Variants in ESRRG observed in about 807,000 individuals in gnomAD.
ESRRG encodes estrogen-related receptor gamma.
In ESRRG, 13 loss-of-function variants were observed where a neutral mutation model predicts 44.0. That is an observed-to-expected ratio of 0.30 (90% CI 0.19 to 0.47). The LOEUF (loss-of-function observed/expected upper bound fraction) is 0.47. Among genes scored for constraint, ESRRG ranks in the 20% least tolerant of loss-of-function variants. ESRRG has a pLI of 1.00. For missense variants in ESRRG, 395 were observed against 580.6 expected (o/e 0.68, Z 3.29); for synonymous variants, 215 against 214.6 (o/e 1.00, Z -0.02).
chr1:217,132,174 T>C (rs2102539784), intron 1 of ESRRG, among the ~76,000 whole-genome samples: 1 of 152,308 alleles, frequency 6.6e-6, no homozygotes, highest in Non-Finnish European at 1.5e-5. Flanking sequence ...TTTTTAATTT[T>C]GTAGAGAGGG....
chr1:216,942,538 T>C (rs866002574), intron 1 of ESRRG, among the ~76,000 whole-genome samples: 1 of 152,150 alleles, frequency 6.6e-6, no homozygotes, highest in African/African-American at 2.4e-5. Context: ...CAAATAGTTA[T>C]AAATGTTTCC....
At chr1:216,954,151 G>A (rs558515396) in intron 1 of ESRRG, among the ~76,000 whole-genome samples, 10 of 151,848 alleles carry the variant, frequency 6.6e-5, no homozygotes, top group Non-Finnish European at 1.3e-4. Context: ...ATCTCTGAAC[G>A]TATTTTTTAG....
At chr1:217,076,496 T>C (rs1174551963) in intron 1 of ESRRG, among the ~76,000 whole-genome samples, 2 of 152,192 alleles carry the variant, frequency 1.3e-5, no homozygotes, top group African/African-American at 4.8e-5. Flanking sequence ...ACCAGAGAAA[T>C]GCAAATATTA....
intron 1 of ESRRG, among the ~76,000 whole-genome samples, chr1:217,107,846 A>G (rs2092616730): frequency 6.6e-6 from 1 of 152,164 alleles, no homozygotes; most frequent in Non-Finnish European, 1.5e-5. Flanking sequence ...AAAAAATATA[A>G]TTTTATGCCA....
chr1:216,631,316 G>A (rs1023467537), intron 3 of ESRRG, among the ~76,000 whole-genome samples: 1 of 152,184 alleles, frequency 6.6e-6, no homozygotes, highest in Non-Finnish European at 1.5e-5. Flanking sequence ...CTGTAACCAT[G>A]TTAGTAGCAA....
At chr1:217,044,107 C>G (rs937122028) in intron 1 of ESRRG, among the ~76,000 whole-genome samples, 1 of 152,300 alleles carries the variant, frequency 6.6e-6, no homozygotes, top group Admixed American at 6.5e-5. Flanking sequence ...AATTGGCTTT[C>G]AAGTTTACTG....
chr1:216,952,169 C>A (rs2067080182), intron 1 of ESRRG, among the ~76,000 whole-genome samples: 1 of 152,240 alleles, frequency 6.6e-6, no homozygotes, highest in African/African-American at 2.4e-5. Flanking sequence ...AACCCGAAAA[C>A]TTTCAAATGC....
intron 1 of ESRRG, among the ~76,000 whole-genome samples, chr1:217,042,577 C>T (rs2084080277): frequency 6.6e-6 from 1 of 151,618 alleles, no homozygotes; most frequent in South Asian, 2.1e-4. Context: ...GCTACCTGTC[C>T]CTAGCTCCCC....
At chr1:217,080,935 C>A (rs1185608775) in intron 1 of ESRRG, among the ~76,000 whole-genome samples, 1 of 151,844 alleles carries the variant, frequency 6.6e-6, no homozygotes, top group Non-Finnish European at 1.5e-5. Flanking sequence ...CCTCGGCCTG[C>A]CAAAGTGTTG....
At chr1:216,750,138 TAG>T (rs1169145792) in intron 2 of ESRRG, among the ~76,000 whole-genome samples, 1 of 152,194 alleles carries the variant, frequency 6.6e-6, no homozygotes. Flanking sequence ...TTGCAGTTTG[TAG>T]AGAAGTCTGT....
intron 2 of ESRRG, among the ~76,000 whole-genome samples, chr1:216,772,771 G>A (rs969381804): frequency 8.6e-5 from 13 of 151,796 alleles, no homozygotes; most frequent in Non-Finnish European, 1.6e-4. Context: ...ATAGCTTAGT[G>A]GATCTGACCC....
chr1:216,735,987 A>AAAATATATATAT (rs1453476198), intron 2 of ESRRG, among the ~76,000 whole-genome samples: 28 of 137,088 alleles, frequency 2.0e-4, no homozygotes, highest in African/African-American at 6.7e-4. Context: ...CTCAAAAAAA[A>AAAATATATATAT]ATATATATAT....
intron 2 of ESRRG, among the ~76,000 whole-genome samples, chr1:216,852,832 G>A (rs1478121965): frequency 6.7e-6 from 1 of 149,508 alleles, no homozygotes; most frequent in Non-Finnish European, 1.5e-5. Context: ...TTCCCACCAG[G>A]GCTCTTTCCA....
intron 1 of ESRRG, among the ~76,000 whole-genome samples, chr1:217,071,909 A>G (rs986386338): frequency 6.6e-6 from 1 of 152,178 alleles, no homozygotes; most frequent in Non-Finnish European, 1.5e-5. Flanking sequence ...CTAGTTCTAG[A>G]GCTATGATGT....
At chr1:216,993,335 A>G (rs958079777) in intron 1 of ESRRG, among the ~76,000 whole-genome samples, 10 of 152,156 alleles carry the variant, frequency 6.6e-5, no homozygotes, top group Non-Finnish European at 7.3e-5. Context: ...CTACCTTTCT[A>G]TGGCACAACT....
At chr1:216,902,541 A>G (rs1417349265) in intron 2 of ESRRG, among the ~76,000 whole-genome samples, 1 of 152,084 alleles carries the variant, frequency 6.6e-6, no homozygotes, top group Non-Finnish European at 1.5e-5. Context: ...CTCCATGACA[A>G]AAGAGAGGAG....
chr1:217,073,197 C>CAAAAAAAAAAAAAAAA (rs34950214), intron 1 of ESRRG, among the ~76,000 whole-genome samples: 1 of 75,984 alleles, frequency 1.3e-5, no homozygotes, highest in Non-Finnish European at 2.4e-5. Context: ...CCTTTCTGGA[C>CAAAAAAAAAAAAAAAA]AAAAAAAAAA....
rs776788315 is a variant in ESRRG at position 216,677,083 on chromosome 1, T to C, written c.465A>G (p.Thr155=). The part of the protein sequence containing the change: ...CEACKAFFKR[T]IQGNIEYSCP... ...CCCAGGTCCGACACTAACCTTGAAT[T>C]GTCCTCTTGAAGAATGCCTTGCAGG... is the stretch of plus-strand genomic sequence containing the variant. The change falls in exon 2 of 7, where the codon ACA becomes ACG. Residue 155 remains threonine (T), a synonymous_variant. Transcript: ENST00000408911. The C allele has an allele frequency of 1.9e-6, 3 of 1,613,048 alleles. No homozygotes were observed. In the African/African-American group the frequency reaches 4.0e-5, roughly 22 times the overall value.
At chr1:216,702,760 G>A (rs1329157094) in intron 1 of ESRRG, among the ~76,000 whole-genome samples, 1 of 137,388 alleles carries the variant, frequency 7.3e-6, no homozygotes, top group African/African-American at 2.8e-5. Context: ...CTGGGAAACA[G>A]AGCAAGACTC....
Sources: allele counts gnomAD v4.1 joint callset (sites outside exome capture counted in the v4.1 genomes callset), GRCh38; gene constraint gnomAD v4.1.1; transcripts MANE v1.5; gene names NCBI Gene and HGNC (gene_info 2026-07-23, HGNC 2026-07-21).